The following PACRGL variants were observed in gnomAD, a reference collection of about 807,000 sequenced individuals.
The protein encoded by PACRGL is parkin coregulated like, also known as PACRG-like protein.
In PACRGL, 38 loss-of-function variants were observed where a neutral mutation model predicts 34.5. That is an observed-to-expected ratio of 1.10 (90% CI 0.85 to 1.44). The LOEUF (loss-of-function observed/expected upper bound fraction) is 1.44, where lower values mean the gene tolerates loss of function less well. Ranked by LOEUF, PACRGL falls within the 40% of genes most tolerant of loss-of-function variation. The probability of loss-of-function intolerance (pLI) is 0.00; values close to 1 mark genes in which losing one functional copy is unlikely to be tolerated. For synonymous variants in PACRGL, 128 were observed against 100.1 expected, an observed-to-expected ratio of 1.28 and a Z score of -1.66; for missense variants, 305 against 281.4, an observed-to-expected ratio of 1.08 and a Z score of -0.60.
chr4:20,712,896 C>T lies in PACRGL; in HGVS notation c.475C>T (p.Leu159=), dbSNP rs1487543699. 8.8e-6 allele frequency: 14 copies of T among 1,595,376 alleles called. No homozygotes were observed. The African/African-American group carries it at 9.4e-5, about 11-fold the overall frequency. The stretch of plus-strand genomic sequence containing the variant: ...AAAAGCTATTCCTTTGCTACCTAGA[C>T]TGATTCCTGTGCTAAAGGCAGCTCT... ...PEKAIPLLPR[L]IPVLKAALVH... is the part of the protein sequence containing the mutation. The change falls in exon 6 of 9, where the codon CTG becomes TTG. Residue 159 remains leucine (L), a synonymous_variant. Transcript: ENST00000503585.
At chr4:20,764,361 T>G in the PACRGL span, among the ~76,000 whole-genome samples, 2 of 152,150 alleles carry the variant, frequency 1.3e-5, no homozygotes, top group African/African-American at 4.8e-5. Flanking sequence ...ATCATGATTT[T>G]TAGTGACTGC....
At chr4:20,712,075 A>G (rs1433284004) in intron 5 of PACRGL, among the ~76,000 whole-genome samples, 1 of 152,136 alleles carries the variant, frequency 6.6e-6, no homozygotes, top group African/African-American at 2.4e-5. Context: ...GTGAGTGTAC[A>G]TAACAAAATC....
chr4:20,706,092 G>A (rs1308412721), intron 3 of PACRGL, among the ~76,000 whole-genome samples: 1 of 151,738 alleles, frequency 6.6e-6, no homozygotes, highest in Non-Finnish European at 1.5e-5. Flanking sequence ...GTCTGAAATT[G>A]TTAAAAATTG....
At chr4:20,718,319 T>C (rs1412135246) in intron 7 of PACRGL, among the ~76,000 whole-genome samples, 1 of 152,188 alleles carries the variant, frequency 6.6e-6, no homozygotes, top group African/African-American at 2.4e-5. Flanking sequence ...GAATACCCTT[T>C]ATTTCTTTCT....
In PACRGL at chr4:20,709,762, A is replaced by T. The variant is rs1167309938; in HGVS notation, c.355A>T (p.Thr119Ser). ...TCTTTCATTTGATCCACTTCTTATT[A>T]CTTTAGCTGAGGTAAATATGCCATC... is the stretch of plus-strand genomic sequence containing the variant. ...ESLSFDPLLITLAEGLRETKH... is the reference protein window; with the variant it reads ...ESLSFDPLLISLAEGLRETKH... Residue 119 changes from threonine to serine, a missense_variant, in exon 5 of 9, where the codon ACT (threonine) becomes TCT (serine). Coordinates refer to ENST00000503585, the MANE Select transcript of PACRGL (RefSeq NM_001258345.3). 2.5e-6 allele frequency: 4 copies of T among 1,598,012 alleles called. No individual in the cohort carries two copies. The highest frequency in any genetic ancestry group is 8.6e-7 in the Non-Finnish European group (1 of 1,166,198).
the PACRGL span, among the ~76,000 whole-genome samples, chr4:20,759,849 CAT>C: frequency 6.6e-6 from 1 of 152,070 alleles, no homozygotes; most frequent in Non-Finnish European, 1.5e-5. Context: ...AGAATTGAAT[CAT>C]GTGAGATATT....
At chr4:20,744,559 T>C (rs1254738040) in intron 8 of PACRGL, among the ~76,000 whole-genome samples, 1 of 151,828 alleles carries the variant, frequency 6.6e-6, no homozygotes, top group Admixed American at 6.6e-5. Flanking sequence ...TAGGTGGGAA[T>C]TGAAAAATGA....
At chr4:20,711,890 G>T (rs1178849144) in intron 5 of PACRGL, among the ~76,000 whole-genome samples, 1 of 152,060 alleles carries the variant, frequency 6.6e-6, no homozygotes, top group Non-Finnish European at 1.5e-5. Flanking sequence ...CCTTTAAAAT[G>T]CATATAGTAT....
the PACRGL span, chr4:20,758,914 A>G: frequency 6.3e-7 from 1 of 1,599,936 alleles, no homozygotes; most frequent in East Asian, 2.2e-5. Flanking sequence ...CAGAGAAGCA[A>G]TATGAGCAAA....
At chr4:20,759,404 G>A in the PACRGL span, among the ~76,000 whole-genome samples, 1 of 152,288 alleles carries the variant, frequency 6.6e-6, no homozygotes, top group East Asian at 1.9e-4. Flanking sequence ...CCAAGACATG[G>A]TTTTGTAACA....
At chr4:20,755,699 A>AT (rs1176822168), downstream of PACRGL, among the ~76,000 whole-genome samples, 2 of 152,194 alleles carry the variant, frequency 1.3e-5, no homozygotes, top group East Asian at 1.9e-4. Flanking sequence ...GCAATTTAAG[A>AT]TAGAGTGGTC....
intron 3 of PACRGL, among the ~76,000 whole-genome samples, chr4:20,706,879 T>C (rs906742330): frequency 2.6e-5 from 4 of 152,164 alleles, no homozygotes; most frequent in Admixed American, 6.5e-5. Flanking sequence ...TGGCCAGATA[T>C]GAATCTTTTA....
chr4:20,701,873 T>G (rs1732336143), intron 1 of PACRGL: 1 of 456,408 alleles, frequency 2.2e-6, no homozygotes, highest in African/African-American at 2.0e-5. Context: ...CCAACTGTAA[T>G]TTGTCGTTAA....
chr4:20,713,712 G>T (rs1171888774), intron 7 of PACRGL, among the ~76,000 whole-genome samples, 173 bp downstream of exon 7: 2 of 152,084 alleles, frequency 1.3e-5, no homozygotes, highest in East Asian at 1.9e-4. Flanking sequence ...GTTCTCGTTG[G>T]TTTCAAAGAA....
At chr4:20,699,698 G>A (rs1731509031), upstream of PACRGL, among the ~76,000 whole-genome samples, 2 of 152,070 alleles carry the variant, frequency 1.3e-5, no homozygotes, top group South Asian at 2.1e-4. Context: ...ATGCTAAAGA[G>A]GAGTGCAGTG....
At chr4:20,744,319 T>C (rs1023966288) in intron 8 of PACRGL, among the ~76,000 whole-genome samples, 3 of 152,230 alleles carry the variant, frequency 2.0e-5, no homozygotes, top group Non-Finnish European at 4.4e-5. Flanking sequence ...TGTATGTTTA[T>C]TGCGGCACTA....
intron 7 of PACRGL, among the ~76,000 whole-genome samples, chr4:20,723,847 G>GT (rs1179193059): frequency 3.3e-5 from 5 of 152,062 alleles, no homozygotes; most frequent in Non-Finnish European, 5.9e-5. Flanking sequence ...CTAGAAATAG[G>GT]TTGTGTGAGG....
chr4:20,765,718 C>T, the PACRGL span, among the ~76,000 whole-genome samples: 5 of 152,174 alleles, frequency 3.3e-5, no homozygotes, highest in Non-Finnish European at 7.3e-5. Context: ...GCATTTCTTT[C>T]ATTGCCTGTG....
chr4:20,758,023 A>G, the PACRGL span, among the ~76,000 whole-genome samples: 19 of 152,300 alleles, frequency 1.2e-4, no homozygotes, highest in African/African-American at 4.3e-4. Flanking sequence ...ACTAGGTATA[A>G]CATTCTTTTG....
Sources: allele counts gnomAD v4.1 joint callset (sites outside exome capture counted in the v4.1 genomes callset), GRCh38; gene constraint gnomAD v4.1.1; transcripts MANE v1.5; gene names NCBI Gene and HGNC (gene_info 2026-07-23, HGNC 2026-07-21).